The following MECOM variants were observed in gnomAD, a reference collection of about 807,000 sequenced individuals.
The protein encoded by MECOM is MDS1 and EVI1 complex locus.
MECOM carries 13 observed loss-of-function variants against 116.3 expected under a neutral mutation model. That is an observed-to-expected ratio of 0.11 (90% CI 0.07 to 0.18). The LOEUF (loss-of-function observed/expected upper bound fraction) is 0.18, where lower values mean the gene tolerates loss of function less well. MECOM is among the 10% of genes least tolerant of loss of function. MECOM has a pLI of 1.00. For missense variants in MECOM, 1,299 were observed against 1,509.0 expected (o/e 0.86, Z 2.31); for synonymous variants, 528 against 535.2 (o/e 0.99, Z 0.19).
At chr3:169,199,750 C>G (rs1748913210) in intron 2 of MECOM, among the ~76,000 whole-genome samples, 1 of 152,042 alleles carries the variant, frequency 6.6e-6, no homozygotes, top group Admixed American at 6.6e-5. Context: ...CCAAGAAGAT[C>G]TTGCCAAATT....
intron 1 of MECOM, among the ~76,000 whole-genome samples, chr3:169,557,836 C>A (rs1325586300): frequency 6.6e-6 from 1 of 152,136 alleles, no homozygotes; most frequent in African/African-American, 2.4e-5. Flanking sequence ...CCATTATAAC[C>A]ATCATGCAGC....
intron 1 of MECOM, among the ~76,000 whole-genome samples, chr3:169,432,817 G>A (rs1385329183): frequency 1.3e-5 from 2 of 152,204 alleles, no homozygotes; most frequent in East Asian, 1.9e-4. Flanking sequence ...AAAGGGAAAA[G>A]GTTAAAGGCT....
chr3:169,324,123 C>T (rs1721400130), intron 2 of MECOM, among the ~76,000 whole-genome samples: 1 of 152,156 alleles, frequency 6.6e-6, no homozygotes, highest in Non-Finnish European at 1.5e-5. Flanking sequence ...AGAGTAGGGG[C>T]ATGGGGGTGG....
intron 2 of MECOM, among the ~76,000 whole-genome samples, chr3:169,318,767 G>A (rs1365108883): frequency 1.3e-5 from 2 of 152,036 alleles, no homozygotes; most frequent in African/African-American, 4.8e-5. Context: ...CCCATTACTG[G>A]GTATATACCC....
chr3:169,567,495 G>T (rs967188132), intron 1 of MECOM, among the ~76,000 whole-genome samples: 1 of 152,094 alleles, frequency 6.6e-6, no homozygotes, highest in Non-Finnish European at 1.5e-5. Context: ...TGGTAATATT[G>T]CCCTGAATAG....
At chr3:169,569,286 A>T (rs1763606589) in intron 1 of MECOM, among the ~76,000 whole-genome samples, 1 of 151,854 alleles carries the variant, frequency 6.6e-6, no homozygotes, top group African/African-American at 2.4e-5. Flanking sequence ...TGCAACAAGA[A>T]GAGCTAATAT....
At chr3:169,095,933 T>G (rs1478892820) in intron 12 of MECOM, among the ~76,000 whole-genome samples, 3 of 152,168 alleles carry the variant, frequency 2.0e-5, no homozygotes, top group African/African-American at 7.2e-5. Flanking sequence ...CCCCTATTTT[T>G]CATTTCTCTT....
chr3:169,398,498 A>C (rs1256075575), intron 1 of MECOM, among the ~76,000 whole-genome samples: 1 of 152,352 alleles, frequency 6.6e-6, no homozygotes, highest in African/African-American at 2.4e-5. Flanking sequence ...GGAGGGTTAG[A>C]GTTCTTCAAC....
At chr3:169,381,936 T>C (rs1257431492) in intron 1 of MECOM, among the ~76,000 whole-genome samples, 2 of 152,236 alleles carry the variant, frequency 1.3e-5, no homozygotes, top group Non-Finnish European at 2.9e-5. Context: ...TGTCATGCAA[T>C]GTTATCTTGG....
intron 1 of MECOM, among the ~76,000 whole-genome samples, chr3:169,442,716 A>C (rs540908887): frequency 6.6e-6 from 1 of 152,202 alleles, no homozygotes; most frequent in Non-Finnish European, 1.5e-5. Flanking sequence ...GCTATTGCAG[A>C]TGAAGGCACA....
chr3:169,167,167 G>A (rs763923674), intron 2 of MECOM, among the ~76,000 whole-genome samples: 25 of 152,094 alleles, frequency 1.6e-4, no homozygotes, highest in Non-Finnish European at 3.4e-4. Flanking sequence ...TTGTAGAGAC[G>A]GGGTCTCACC....
At position 169,290,943 on chromosome 3, in the gene MECOM, G is replaced by A. The variant is rs531427364; in HGVS notation, c.375+90244C>T. On this transcript the variant is annotated intron_variant, in intron 2 of 16. Transcript: ENST00000651503. ...AATGTAGCAGAACAAACAAAATCAT[G>A]ACTTACACTCCATACTTTCATTTAC... Among the ~76,000 whole-genome samples, 3 of 152,182 alleles carry A rather than the reference G, an allele frequency of 2.0e-5. No individual in the cohort carries two copies. The East Asian group carries it at 5.8e-4, about 29-fold the overall frequency.
intron 10 of MECOM, among the ~76,000 whole-genome samples, chr3:169,105,612 G>T (rs1231212913): frequency 2.0e-5 from 3 of 152,104 alleles, no homozygotes; most frequent in Non-Finnish European, 1.5e-5. Context: ...GGTAAAATTA[G>T]ATCATATATT....
chr3:169,276,107 A>C (rs1759536536), intron 2 of MECOM, among the ~76,000 whole-genome samples: 1 of 152,204 alleles, frequency 6.6e-6, no homozygotes, highest in African/African-American at 2.4e-5. Context: ...TGCCATAGCC[A>C]CACATCAAGT....
In MECOM at chr3:169,115,578, G is replaced by T; in HGVS notation, c.2294C>A (p.Pro765His). Reference sequence around the variant, plus strand: ...CAGGGGCTGGTCTTGGCTTGTGGCAGGTGTCACTGGAGGCTTGGAGGGGAC... The same window carrying T: ...CAGGGGCTGGTCTTGGCTTGTGGCATGTGTCACTGGAGGCTTGGAGGGGAC... ...TPVPSKPPVTPATSQDQPLDL... is the reference protein window; with the variant it reads ...TPVPSKPPVTHATSQDQPLDL... The change falls in exon 8 of 17, where the codon CCT (proline) becomes CAT (histidine). Residue 765 changes from proline to histidine, a missense_variant. By Grantham distance (77) the Pro-to-His change is moderately conservative (BLOSUM62 -2). Around this residue, in one of 6 missense-constraint regions of MECOM, gnomAD observed 340 missense variants for 312.6 expected, o/e 1.09. Coordinates refer to ENST00000651503, the MANE Select transcript of MECOM (RefSeq NM_004991.4). 6.2e-7 allele frequency: 1 copy of T among 1,614,102 alleles called. No homozygotes were observed. Among genetic ancestry groups the T allele is most frequent in the Non-Finnish European group, 8.5e-7 (1 of 1,180,016 alleles).
Position 169,378,559 on chromosome 3 carries a change from AAAGAAAGAAAGAAAGAAAGAAAGAAAGT to A in MECOM, c.375+2600_375+2627del, listed in dbSNP as rs1560198550. Among the ~76,000 whole-genome samples the A allele has an allele frequency of 8.5e-3, 1,173 of 137,880 alleles. 158 individuals are homozygous for A. Among genetic ancestry groups the A allele is most frequent in the African/African-American group, 0.029 (1,031 of 35,984 alleles). 90.5% of individuals were successfully genotyped at this position (137,880 alleles called of 152,430 possible). A position where few individuals can be genotyped will look rare whatever the true frequency, so the allele number is the denominator to read the frequency against. On this transcript the variant is annotated intron_variant, in intron 2 of 16. Transcript: ENST00000651503. ...GAAAGAAAGAAAGAAAGAAAGAAAGAAAGAAAGAAAGAAAGAAAGAAAGAAAGTAAGTAAGTAAGTTTGGGGACTTAAT... is the reference window on the plus strand; with the variant it reads ...GAAAGAAAGAAAGAAAGAAAGAAAGAAAGTAAGTAAGTTTGGGGACTTAAT...
intron 2 of MECOM, among the ~76,000 whole-genome samples, chr3:169,192,828 G>T (rs1275401670): frequency 6.6e-6 from 1 of 152,020 alleles, no homozygotes; most frequent in Non-Finnish European, 1.5e-5. Context: ...ACAGTAACTT[G>T]GAAGGTGATG....
At chr3:169,275,527 C>T (rs1186620951) in intron 2 of MECOM, among the ~76,000 whole-genome samples, 1 of 152,184 alleles carries the variant, frequency 6.6e-6, no homozygotes, top group Non-Finnish European at 1.5e-5. Flanking sequence ...TGTGCTGGAA[C>T]ATTGTTACCC....
intron 1 of MECOM, among the ~76,000 whole-genome samples, chr3:169,404,234 A>G (rs1168787927): frequency 6.6e-6 from 1 of 152,154 alleles, no homozygotes; most frequent in Non-Finnish European, 1.5e-5. Context: ...GTTGCTAAGG[A>G]TATAAGAAAT....
Sources: gnomAD v4.1 joint callset for allele counts (sites outside exome capture counted in the v4.1 genomes callset) on GRCh38, gnomAD v4.1.1 for gene constraint, gnomAD v4.1.1 regional missense constraint, MANE v1.5 for transcripts, NCBI Gene and HGNC (gene_info 2026-07-23, HGNC 2026-07-21) for gene names.